Variants in ZNF136 observed in about 807,000 individuals in gnomAD.
ZNF136 encodes the protein zinc finger protein 136 (clone pHZ-20).
ZNF136 carries 8 observed loss-of-function variants against 11.4 expected under a neutral mutation model. That is an observed-to-expected ratio of 0.70 (90% confidence interval 0.41 to 1.27). The LOEUF is 1.27. Ranked by LOEUF, ZNF136 falls within the 50% of genes most tolerant of loss-of-function variation. The pLI is 0.01. For missense variants in ZNF136, 590 were observed against 656.5 expected (o/e 0.90, Z 1.11); for synonymous variants, 190 against 207.1 (o/e 0.92, Z 0.71).
At chr19:12,184,272 A>T (rs1915026657) in intron 1 of ZNF136, among the ~76,000 whole-genome samples, 1 of 138,908 alleles carries the variant, frequency 7.2e-6, no homozygotes, top group Non-Finnish European at 1.6e-5. Context: ...TCCAAAAAAA[A>T]AAAGAGGGCT....
Position 12,187,227 on chromosome 19 carries a change from G to A in ZNF136, c.849G>A (p.Lys283=), listed in dbSNP as rs750780814. ...IHTGEKPFKC[K]QCGKAFSCSP... is the part of the protein sequence containing the mutation. ...CTGGAGAAAAACCCTTTAAATGTAA[G>A]CAATGTGGTAAAGCCTTCAGTTGTT... Residue 283 remains lysine (K), a synonymous_variant, in exon 4 of 4, where the codon AAG becomes AAA. Transcript: ENST00000343979. 2 of 1,613,658 alleles carry A rather than the reference G, an allele frequency of 1.2e-6. No homozygotes were observed. Among genetic ancestry groups the A allele is most frequent in the South Asian group, 2.2e-5 (2 of 91,048 alleles).
At chr19:12,184,575 G>C (rs1915036505) in intron 1 of ZNF136, 1 of 150,484 alleles carries the variant, frequency 6.6e-6, no homozygotes, top group East Asian at 1.9e-4. Flanking sequence ...AAAAAAAAAG[G>C]TAAAAAATCC....
intron 1 of ZNF136, among the ~76,000 whole-genome samples, chr19:12,183,279 G>C (rs1223580996): frequency 6.6e-6 from 1 of 151,896 alleles, no homozygotes; most frequent in African/African-American, 2.4e-5. Flanking sequence ...TGAGCAGCTA[G>C]AACCATAGGT....
intron 1 of ZNF136, among the ~76,000 whole-genome samples, chr19:12,180,296 A>G: frequency 6.6e-6 from 1 of 152,234 alleles, no homozygotes; most frequent in Non-Finnish European, 1.5e-5. Flanking sequence ...TCTCTTGCTC[A>G]GATAATATGC....
At chr19:12,173,656 C>T (rs566102002) in intron 1 of ZNF136, among the ~76,000 whole-genome samples, 6 of 152,080 alleles carry the variant, frequency 3.9e-5, no homozygotes, top group East Asian at 3.9e-4. Flanking sequence ...CGTGTTTTCC[C>T]GAATTTTGTG....
Position 12,186,758 on chromosome 19 carries a change from A to C in ZNF136, c.380A>C (p.His127Pro), listed in dbSNP as rs756592737. ...LNRHIKDHSG[H>P]EPKEYQEYGE... is the part of the protein sequence containing the mutation. ...AGACACATCAAAGATCACAGTGGAC[A>C]TGAACCAAAGGAATATCAGGAATAT... is the stretch of plus-strand genomic sequence containing the variant. Residue 127 changes from histidine to proline, a missense_variant, in exon 4 of 4, where the codon CAT becomes CCT. Transcript: ENST00000343979. The C allele has an allele frequency of 1.5e-5, 25 of 1,614,202 alleles. No homozygotes were observed. In the East Asian group the frequency reaches 5.3e-4, roughly 35 times the overall value.
Position 12,163,343 on chromosome 19 carries a change from C to T in ZNF136, c.3+137C>T, listed in dbSNP as rs929778818. 79 of 1,156,720 alleles carry T rather than the reference C, an allele frequency of 6.8e-5. No individual in the cohort carries two copies. In the Middle Eastern group the frequency reaches 1.6e-3, roughly 23 times the overall value. 71.7% of individuals were successfully genotyped at this position (1,156,720 alleles called of 1,614,324 possible). ...CCGAGTCCCTCTGGCGCAGCTCAGCCCTTGGTACCCTCGGCCTCAGGGTGG... is the reference window on the plus strand; with the variant it reads ...CCGAGTCCCTCTGGCGCAGCTCAGCTCTTGGTACCCTCGGCCTCAGGGTGG... On this transcript the variant is annotated intron_variant, in intron 1 of 3. Transcript: ENST00000343979.
At chr19:12,169,834 C>A (rs866870400) in intron 1 of ZNF136, among the ~76,000 whole-genome samples, 2 of 149,250 alleles carry the variant, frequency 1.3e-5, no homozygotes, top group Non-Finnish European at 3.0e-5. Flanking sequence ...TCTCTCTGTC[C>A]CCCAGGCTGG....
At chr19:12,170,482 G>C (rs1438236891) in intron 1 of ZNF136, among the ~76,000 whole-genome samples, 2 of 151,170 alleles carry the variant, frequency 1.3e-5, no homozygotes, top group Non-Finnish European at 2.9e-5. Flanking sequence ...TGGCCTCCCA[G>C]GCTCAAGCAA....
chr19:12,168,103 G>T (rs997900557), intron 1 of ZNF136, among the ~76,000 whole-genome samples: 1 of 105,922 alleles, frequency 9.4e-6, no homozygotes, highest in Non-Finnish European at 1.7e-5. Flanking sequence ...ACGGAGCTTC[G>T]CTCTCATTGC....
At position 12,187,790 on chromosome 19, in the gene ZNF136, C is replaced by T; in HGVS notation, c.1412C>T (p.Thr471Ile). 1 of 1,610,626 alleles carries T rather than the reference C, an allele frequency of 6.2e-7. No homozygotes were observed. The change falls in exon 4 of 4, where the codon ACT becomes ATT. Residue 471 changes from threonine (T) to isoleucine (I), a missense_variant. Transcript: ENST00000343979. Reference sequence around the variant, plus strand: ...TTTCGAACACATGAAATGATTCACACTGGTGAGAAACCCTTTGAATGTAAG... The same window carrying T: ...TTTCGAACACATGAAATGATTCACATTGGTGAGAAACCCTTTGAATGTAAG... ...NSFRTHEMIH[T>I]GEKPFECKRC... is the part of the protein sequence containing the mutation.
chr19:12,175,498 T>C (rs1412507225), intron 1 of ZNF136, among the ~76,000 whole-genome samples: 2 of 152,142 alleles, frequency 1.3e-5, no homozygotes, highest in Non-Finnish European at 2.9e-5. Context: ...CCCGGCCTTA[T>C]ACTTTACTTT....
At chr19:12,166,843 A>G (rs1977193333) in intron 1 of ZNF136, among the ~76,000 whole-genome samples, 1 of 151,984 alleles carries the variant, frequency 6.6e-6, no homozygotes, top group Non-Finnish European at 1.5e-5. Context: ...AAATATCCAC[A>G]TGAGGTATGT....
intron 1 of ZNF136, among the ~76,000 whole-genome samples, chr19:12,178,152 C>A (rs556366961): frequency 6.6e-6 from 1 of 152,106 alleles, no homozygotes; most frequent in African/African-American, 2.4e-5. Context: ...TGTTTTCTTG[C>A]TATTGAGCTG....
chr19:12,176,723 G>A (rs1914802981), intron 1 of ZNF136, among the ~76,000 whole-genome samples: 1 of 152,186 alleles, frequency 6.6e-6, no homozygotes. Context: ...CTGAAGCAGG[G>A]TGGGAGACAA....
At chr19:12,185,970 G>C (rs1915069643) in intron 2 of ZNF136, 59 bp downstream of exon 2, 1 of 1,609,802 alleles carries the variant, frequency 6.2e-7, no homozygotes, top group Non-Finnish European at 8.5e-7. Flanking sequence ...CTTGTGCAGT[G>C]ATGCTGTTCC....
intron 1 of ZNF136, among the ~76,000 whole-genome samples, chr19:12,165,365 T>C (rs946441963): frequency 6.6e-6 from 1 of 152,210 alleles, no homozygotes; most frequent in African/African-American, 2.4e-5. Flanking sequence ...TCCCTGGGAT[T>C]CTTGCCTTAA....
chr19:12,179,020 A>G (rs112663295), intron 1 of ZNF136, among the ~76,000 whole-genome samples: 2,137 of 152,150 alleles, frequency 0.014, 42 homozygotes, highest in African/African-American at 0.049. Context: ...AAGAAAAAAA[A>G]AAAAGAAAAA....
chr19:12,188,065 A>T lies in ZNF136; in HGVS notation c.*64A>T. 1 of 1,374,936 alleles carries T rather than the reference A, an allele frequency of 7.3e-7. No homozygotes were observed. The allele number at this position is 1,374,936 out of a possible 1,614,324, so 85.2% of individuals were successfully genotyped here. A position where few individuals can be genotyped will look rare whatever the true frequency, so the allele number is the denominator to read the frequency against. The stretch of plus-strand genomic sequence containing the variant: ...GAAGAGAAGCCCTATGAATGTAAGT[A>T]ACGTGGGAAAGCATGAAATTCTGTC... On this transcript the variant is annotated 3_prime_UTR_variant, in exon 4 of 4. Coordinates refer to ENST00000343979, the MANE Select transcript of ZNF136 (RefSeq NM_003437.5).
Sources: allele counts gnomAD v4.1 joint callset (sites outside exome capture counted in the v4.1 genomes callset), GRCh38; gene constraint gnomAD v4.1.1; transcripts MANE v1.5; gene names NCBI Gene and HGNC (gene_info 2026-07-23, HGNC 2026-07-21).